The following UGT1A8 variants were observed in gnomAD, a reference collection of about 807,000 sequenced individuals.
UGT1A8 encodes the protein UDP glucuronosyltransferase family 1 member A8.
In UGT1A8, 39 loss-of-function variants were observed where a neutral mutation model predicts 45.3. The observed-to-expected ratio is 0.86, with a 90% CI of 0.67 to 1.12. The LOEUF (loss-of-function observed/expected upper bound fraction) is 1.12. Among genes scored for constraint, UGT1A8 ranks in the 50% most tolerant of loss-of-function variants. UGT1A8 has a pLI of 0.00. For synonymous variants in UGT1A8, 275 were observed against 249.2 expected, an observed-to-expected ratio of 1.10 and a Z score of -0.97; for missense variants, 719 against 664.9, an observed-to-expected ratio of 1.08 and a Z score of -0.90.
intron 1 of UGT1A8, among the ~76,000 whole-genome samples, chr2:233,751,321 C>T (rs551289281): frequency 6.6e-6 from 1 of 152,014 alleles, no homozygotes; most frequent in East Asian, 1.9e-4. Flanking sequence ...TTTCTGTACC[C>T]CCATTGTGTC....
At chr2:233,676,368 G>A (rs1384579601) in intron 1 of UGT1A8, among the ~76,000 whole-genome samples, 1 of 152,134 alleles carries the variant, frequency 6.6e-6, no homozygotes, top group Non-Finnish European at 1.5e-5. Flanking sequence ...ATTATAGCAA[G>A]GTTACAACAA....
At chr2:233,653,720 C>G (rs1053140330) in intron 1 of UGT1A8, among the ~76,000 whole-genome samples, 1 of 152,178 alleles carries the variant, frequency 6.6e-6, no homozygotes, top group Non-Finnish European at 1.5e-5. Flanking sequence ...CCTCAGCCTC[C>G]TGGGTAGCTG....
At chr2:233,728,581 G>A (rs1575575973) in intron 1 of UGT1A8, among the ~76,000 whole-genome samples, 1 of 152,156 alleles carries the variant, frequency 6.6e-6, no homozygotes, top group Non-Finnish European at 1.5e-5. Context: ...TGCGAAAAAC[G>A]ACCAAAACCA....
At chr2:233,648,209 G>A (rs372999520) in intron 1 of UGT1A8, 17 of 701,782 alleles carry the variant, frequency 2.4e-5, no homozygotes, top group African/African-American at 2.2e-4. Flanking sequence ...CATTGCAGGA[G>A]TTTGTTTAAT....
chr2:233,630,978 C>T (rs537977023), intron 1 of UGT1A8, among the ~76,000 whole-genome samples: 1 of 151,980 alleles, frequency 6.6e-6, no homozygotes, highest in Non-Finnish European at 1.5e-5. Context: ...AATGCTTTCC[C>T]TCCCCTAGGC....
Position 233,617,862 on chromosome 2 carries a change from G to A in UGT1A8, c.155G>A (p.Gly52Glu). The change falls in exon 1 of 5, where the codon GGG becomes GAG. Residue 52 changes from glycine to glutamate, a missense_variant. Coordinates refer to ENST00000373450, the MANE Select transcript of UGT1A8 (RefSeq NM_019076.5). ...GTGGTGGAGAAACTTATCCTCAGGG[G>A]GCATGAGGTGGTTGTAGTCATGCCA... ...QSVVEKLILR[G>E]HEVVVVMPEV... 6.2e-7 allele frequency: 1 copy of A among 1,614,092 alleles called. No homozygotes were observed.
chr2:233,724,947 G>A (rs941284896), intron 1 of UGT1A8, among the ~76,000 whole-genome samples: 4 of 144,674 alleles, frequency 2.8e-5, no homozygotes, highest in East Asian at 4.2e-4. Flanking sequence ...CTGCAATCCC[G>A]GCACCTCGGG....
rs576905738 is a variant in UGT1A8 at position 233,636,024 on chromosome 2, G to A, written c.855+17462G>A. ...GATTATGCATTGCAGAGATGCAGGT[G>A]AGCCCCAGTTTCTTGCCAGTTGGGA... On this transcript the variant is annotated intron_variant, in intron 1 of 4. Transcript: ENST00000373450. Among the ~76,000 whole-genome samples the A allele has an allele frequency of 2.0e-5, 3 of 150,984 alleles. No individual in the cohort carries two copies. The East Asian group carries it at 5.8e-4, about 29-fold the overall frequency.
intron 1 of UGT1A8, among the ~76,000 whole-genome samples, chr2:233,758,781 G>C (rs1359978174): frequency 6.6e-6 from 1 of 152,186 alleles, no homozygotes; most frequent in African/African-American, 2.4e-5. Context: ...GTTGGGATCT[G>C]TGCAGTTATC....
intron 1 of UGT1A8, chr2:233,760,636 A>G (rs1559407230): frequency 6.2e-7 from 1 of 1,614,144 alleles, no homozygotes; most frequent in South Asian, 1.1e-5. Context: ...CAAGAAAATA[A>G]AAAAGGACTC....
chr2:233,648,588 G>A (rs2073661656), intron 1 of UGT1A8: 1 of 213,686 alleles, frequency 4.7e-6, no homozygotes, highest in Non-Finnish European at 9.4e-6. Flanking sequence ...AGCCTCCCAA[G>A]TAGCTGGGAC....
intron 1 of UGT1A8, among the ~76,000 whole-genome samples, chr2:233,688,411 C>A (rs2074893193): frequency 6.6e-6 from 1 of 152,184 alleles, no homozygotes; most frequent in South Asian, 2.1e-4. Flanking sequence ...TTTTCGAGCC[C>A]ATGTGCCTAA....
At chr2:233,623,407 A>G (rs1461809482) in intron 1 of UGT1A8, among the ~76,000 whole-genome samples, 1 of 152,116 alleles carries the variant, frequency 6.6e-6, no homozygotes, top group Non-Finnish European at 1.5e-5. Context: ...TTTGTTGAAC[A>G]GTGGTTTGTA....
chr2:233,750,369 G>A (rs1694438903), intron 1 of UGT1A8, among the ~76,000 whole-genome samples: 1 of 151,932 alleles, frequency 6.6e-6, no homozygotes, highest in African/African-American at 2.4e-5. Flanking sequence ...TAAAAGGGAA[G>A]CAGAGCATAA....
intron 1 of UGT1A8, among the ~76,000 whole-genome samples, chr2:233,639,193 G>A (rs184819911): frequency 1.3e-5 from 2 of 152,244 alleles, no homozygotes; most frequent in African/African-American, 2.4e-5. Context: ...TATTTTGATT[G>A]TAAATATCTT....
intron 1 of UGT1A8, among the ~76,000 whole-genome samples, chr2:233,623,675 C>G (rs1233851201): frequency 6.6e-6 from 1 of 152,038 alleles, no homozygotes; most frequent in African/African-American, 2.4e-5. Flanking sequence ...CCCCCATTTT[C>G]TTGAACAACA....
intron 1 of UGT1A8, among the ~76,000 whole-genome samples, chr2:233,736,536 T>C (rs1265861368): frequency 6.6e-6 from 1 of 152,240 alleles, no homozygotes; most frequent in African/African-American, 2.4e-5. Flanking sequence ...TCATTCTCTT[T>C]CCAGCTTTGC....
chr2:233,651,409 T>C (rs2123622), intron 1 of UGT1A8, among the ~76,000 whole-genome samples: 8 of 152,372 alleles, frequency 5.3e-5, no homozygotes, highest in African/African-American at 1.9e-4. Context: ...TATATATTTT[T>C]GGTTTTACAT....
Position 233,636,426 on chromosome 2 carries a change from C to T in UGT1A8, c.855+17864C>T, listed in dbSNP as rs995685566. 7 of 1,502,796 alleles carry T rather than the reference C, an allele frequency of 4.7e-6. No individual in the cohort carries two copies. The South Asian group carries it at 8.3e-5, about 18-fold the overall frequency. The allele number at this position is 1,502,796 out of a possible 1,614,324, so 93.1% of individuals were successfully genotyped here. On this transcript the variant is annotated intron_variant, in intron 1 of 4. Coordinates refer to ENST00000373450, the MANE Select transcript of UGT1A8 (RefSeq NM_019076.5). ...TTTTTTATGAAAGGATAAATACACG[C>T]CCTCTATTGGGGTCAGGTTTTGTGC... is the stretch of plus-strand genomic sequence containing the variant.
Sources: allele counts gnomAD v4.1 joint callset (sites outside exome capture counted in the v4.1 genomes callset), GRCh38; gene constraint gnomAD v4.1.1; transcripts MANE v1.5; gene names NCBI Gene and HGNC (gene_info 2026-07-23, HGNC 2026-07-21).